Variants in VSIG8 observed in about 807,000 individuals in gnomAD.
VSIG8 encodes V-set and immunoglobulin domain-containing protein 8.
VSIG8 carries 32 observed loss-of-function variants against 42.6 expected under a neutral mutation model. That is an observed-to-expected ratio of 0.75 (90% confidence interval 0.57 to 1.01). The LOEUF (loss-of-function observed/expected upper bound fraction) is 1.01, where lower values mean the gene tolerates loss of function less well. VSIG8 is among the 50% of genes least tolerant of loss of function. The pLI, the probability that VSIG8 is intolerant of heterozygous loss-of-function variation, is 0.00. For synonymous variants in VSIG8, 290 were observed against 243.8 expected (o/e 1.19, Z -1.77); for missense variants, 529 against 558.0 (o/e 0.95, Z 0.52).
At position 159,862,621 on chromosome 1, in the gene VSIG8, C is replaced by T; in HGVS notation, c.-100G>A. 2 of 1,163,326 alleles carry T rather than the reference C, an allele frequency of 1.7e-6. No homozygotes were observed. The highest frequency in any genetic ancestry group is 1.4e-5 in the South Asian group (1 of 69,640). 72.1% of individuals were successfully genotyped at this position (1,163,326 alleles called of 1,614,324 possible). A position where few individuals can be genotyped will look rare whatever the true frequency, so the allele number is the denominator to read the frequency against. The stretch of plus-strand genomic sequence containing the variant: ...GTGGAGGGAGGGGGAGCTGAGGGCC[C>T]AGACACTGCCTGGGGTGGCAGGAAG... On this transcript the variant is annotated 5_prime_UTR_variant, in exon 1 of 7. Transcript: ENST00000368100.
chr1:159,859,254 A>G (rs1393091324), intron 1 of VSIG8, among the ~76,000 whole-genome samples: 5 of 152,224 alleles, frequency 3.3e-5, no homozygotes, highest in Non-Finnish European at 7.3e-5. Flanking sequence ...ATTCATGTAC[A>G]TGACCACGTA....
intron 6 of VSIG8, 39 bp from the exon 7 acceptor site, chr1:159,855,065 C>T (rs1436972038): frequency 5.1e-6 from 8 of 1,565,420 alleles, no homozygotes; most frequent in Non-Finnish European, 6.9e-6. Flanking sequence ...GCGGGCTGCT[C>T]CGCAGCGGGG....
Position 159,857,909 on chromosome 1 carries a change from A to C in VSIG8, c.488T>G (p.Val163Gly). 6.2e-7 allele frequency: 1 copy of C among 1,614,242 alleles called. No individual in the cohort carries two copies. The highest frequency in any genetic ancestry group is 1.1e-5 in the South Asian group (1 of 91,086). ...CCCACTGGCATAGCACTTCAGCACC[A>C]CATCGTTGCCATATGTCATGTGGCC... ...TEGHMTYGND[V>G]VLKCYASGGS... The change falls in exon 4 of 7, where the codon GTG becomes GGG. Residue 163 changes from valine (V) to glycine (G), a missense_variant. By Grantham distance (109) the Val-to-Gly change is moderately radical. Transcript: ENST00000368100.
chr1:159,855,836 G>A (rs1237834413), intron 6 of VSIG8, 47 bp downstream of exon 6: 2 of 1,500,794 alleles, frequency 1.3e-6, no homozygotes, highest in Middle Eastern at 2.5e-4. Context: ...TGGGCAGGGC[G>A]CCGGTTCCCT....
chr1:159,858,184 G>A lies in VSIG8; in HGVS notation c.336C>T (p.Asn112=). The A allele has an allele frequency of 6.2e-7, 1 of 1,614,226 alleles. No homozygotes were observed. Among genetic ancestry groups the A allele is most frequent in the Non-Finnish European group, 8.5e-7 (1 of 1,180,040 alleles). ...SDPSQYDASI[N]LMNLQVSDTA... ...TATCAGATACCTGCAGGTTCATGAG[G>A]TTGATGGAGGCATCGTACTGGCTTG... Residue 112 remains asparagine, a synonymous_variant, in exon 3 of 7, where the codon AAC becomes AAT. Transcript: ENST00000368100.
chr1:159,854,765 G>A lies in VSIG8; in HGVS notation c.1233C>T (p.Gly411=), dbSNP rs1648742394. 4 of 1,493,534 alleles carry A rather than the reference G, an allele frequency of 2.7e-6. No homozygotes were observed. Among genetic ancestry groups the A allele is most frequent in the Admixed American group, 2.2e-5 (1 of 45,144 alleles). 92.5% of individuals were successfully genotyped at this position (1,493,534 alleles called of 1,614,324 possible). A position where few individuals can be genotyped will look rare whatever the true frequency, so the allele number is the denominator to read the frequency against. The change falls in exon 7 of 7, where the codon GGC becomes GGT. Residue 411 remains glycine (G), a synonymous_variant. Coordinates refer to ENST00000368100, the MANE Select transcript of VSIG8 (RefSeq NM_001013661.1). ...CCGGCGCGCGCGCTCACACCAAGAG[G>A]CCGTTCTTGCACTGCACCGGCCCCT... The part of the protein sequence containing the change: ...CAEGPVQCKN[G]LLV
At chr1:159,859,116 G>A (rs757858414) in intron 1 of VSIG8, among the ~76,000 whole-genome samples, 2 of 152,098 alleles carry the variant, frequency 1.3e-5, no homozygotes, top group Non-Finnish European at 2.9e-5. Context: ...ACATATAGCT[G>A]TTATATATGT....
chr1:159,856,174 G>T, intron 5 of VSIG8, 93 bp from the exon 6 acceptor site: 2 of 1,307,526 alleles, frequency 1.5e-6, no homozygotes, highest in Non-Finnish European at 2.1e-6. Flanking sequence ...AGGGGTTAAT[G>T]GGAAAGAGGG....
chr1:159,855,980 C>G lies in VSIG8; in HGVS notation c.874G>C (p.Gly292Arg). Residue 292 changes from glycine (G) to arginine (R), a missense_variant, in exon 6 of 7, where the codon GGG (glycine) becomes CGG (arginine). Transcript: ENST00000368100. ...CGGGCGCCGCCAGCCCCGGAGCCCC[C>G]GCAGCAGCAGCAGACGAGCCCCCAG... ...GIWGLVCCCC[G>R]GSGAGGARGA... The G allele has an allele frequency of 1.2e-6, 2 of 1,600,710 alleles. No homozygotes were observed. Among genetic ancestry groups the G allele is most frequent in the Non-Finnish European group, 1.7e-6 (2 of 1,174,138 alleles).
chr1:159,858,295 T>TGAAGAGGA lies in VSIG8; in HGVS notation c.229-12_229-5dup. On this transcript the variant is annotated splice_region_variant and splice_polypyrimidine_tract_variant and intron_variant, in intron 2 of 6. Coordinates refer to ENST00000368100, the MANE Select transcript of VSIG8 (RefSeq NM_001013661.1). Reference sequence around the variant, plus strand: ...TCTTGTCCTGGTAACTAAGGAACTGTGAAGAGGAGAGGAAAACAGGTGGTG... The same window carrying TGAAGAGGA: ...TCTTGTCCTGGTAACTAAGGAACTGTGAAGAGGAGAAGAGGAGAGGAAAACAGGTGGTG... 2 of 1,614,078 alleles carry TGAAGAGGA rather than the reference T, an allele frequency of 1.2e-6. No homozygotes were observed. Among genetic ancestry groups the TGAAGAGGA allele is most frequent in the Non-Finnish European group, 1.7e-6 (2 of 1,180,008 alleles).
At position 159,854,958 on chromosome 1, in the gene VSIG8, T is replaced by G; in HGVS notation, c.1040A>C (p.Tyr347Ser). 6.5e-7 allele frequency: 1 copy of G among 1,540,424 alleles called. No homozygotes were observed. The change falls in exon 7 of 7, where the codon TAC (tyrosine) becomes TCC (serine). Residue 347 changes from tyrosine (Y) to serine (S), a missense_variant. Transcript: ENST00000368100. ...GGAGCGGCTGACGTTCTGCGTCGGG[T>G]ACCCCAGGAGGTGGGTGACGCGGCT... Reference protein sequence around the residue: ...RGSRVTHLLGYPTQNVSRSLR... With the variant: ...RGSRVTHLLGSPTQNVSRSLR...
chr1:159,861,379 AGGC>A (rs1258662426), intron 1 of VSIG8: 1 of 152,012 alleles, frequency 6.6e-6, no homozygotes, highest in African/African-American at 2.4e-5. Flanking sequence ...AGGGGAGAAA[AGGC>A]GGCTCCAGCT....
At chr1:159,855,731 G>A in intron 6 of VSIG8, 152 bp downstream of exon 6, 1 of 1,375,558 alleles carries the variant, frequency 7.3e-7, no homozygotes, top group South Asian at 1.6e-5. Flanking sequence ...TGAGTTGGGT[G>A]GCAGGTCGAC....
intron 6 of VSIG8, 124 bp from the exon 7 acceptor site, chr1:159,855,150 G>C: frequency 6.4e-7 from 1 of 1,551,580 alleles, no homozygotes; most frequent in Non-Finnish European, 8.7e-7. Context: ...ACCTGCCCTC[G>C]TCTCTCTCCC....
At chr1:159,859,974 G>C (rs916264083) in intron 1 of VSIG8, among the ~76,000 whole-genome samples, 1 of 151,996 alleles carries the variant, frequency 6.6e-6, no homozygotes, top group Non-Finnish European at 1.5e-5. Context: ...GGATAAGACC[G>C]GGGGGTGTAG....
At position 159,857,268 on chromosome 1, in the gene VSIG8, A is replaced by G. The variant is rs573924064; in HGVS notation, c.652+477T>C. Among the ~76,000 whole-genome samples, 4 of 152,276 alleles carry G rather than the reference A, an allele frequency of 2.6e-5. No homozygotes were observed. The South Asian group carries it at 8.3e-4, about 32-fold the overall frequency. ...ACTGACTCTCCACATTTGCCTTATC[A>G]TCTGCTCTCAATAGCAGCTGCTGGG... On this transcript the variant is annotated intron_variant, in intron 4 of 6. Transcript: ENST00000368100.
chr1:159,861,374 A>T (rs1240730306), intron 1 of VSIG8: 1 of 151,954 alleles, frequency 6.6e-6, no homozygotes. Context: ...AAGGGAGGGG[A>T]GAAAAGGCGG....
intron 2 of VSIG8, 25 bp downstream of exon 2, chr1:159,858,709 G>A (rs1292645684): frequency 1.9e-6 from 3 of 1,585,304 alleles, no homozygotes; most frequent in Non-Finnish European, 2.6e-6. Flanking sequence ...CCTAGAGGAA[G>A]GAGACCCCTG....
intron 1 of VSIG8, among the ~76,000 whole-genome samples, chr1:159,859,979 G>A (rs1222018339): frequency 1.3e-5 from 2 of 152,028 alleles, no homozygotes; most frequent in Admixed American, 6.5e-5. Flanking sequence ...AGACCGGGGG[G>A]TGTAGCCAGG....
Sources: gnomAD v4.1 joint callset for allele counts (sites outside exome capture counted in the v4.1 genomes callset) on GRCh38, gnomAD v4.1.1 for gene constraint, MANE v1.5 for transcripts, NCBI Gene and HGNC (gene_info 2026-07-23, HGNC 2026-07-21) for gene names.